The following CSMD1 variants were observed in gnomAD, a reference collection of about 807,000 sequenced individuals.
CSMD1 encodes CUB and Sushi multiple domains 1.
In CSMD1, 213 loss-of-function variants were observed where a neutral mutation model predicts 417.5. The observed-to-expected ratio is 0.51, with a 90% CI of 0.46 to 0.57. The LOEUF (loss-of-function observed/expected upper bound fraction) is 0.57. CSMD1 is among the 20% of genes least tolerant of loss of function. CSMD1 has a pLI of 0.00. For missense variants in CSMD1, 6,923 were observed against 4,529.7 expected (o/e 1.53, Z -15.17); for synonymous variants, 2,862 against 1,736.8 (o/e 1.65, Z -16.11).
rs139034512 is a variant in CSMD1, at chr8:4,125,873, G to A, written c.416-93774C>T. Among the ~76,000 whole-genome samples, 380 of 152,210 alleles carry A rather than the reference G, an allele frequency of 2.5e-3. 4 individuals are homozygous for A. Among genetic ancestry groups the A allele is most frequent in the African/African-American group, 8.7e-3 (360 of 41,530 alleles). On this transcript the variant is annotated intron_variant, in intron 3 of 69. Coordinates refer to ENST00000635120, the MANE Select transcript of CSMD1 (RefSeq NM_033225.6). ...TGCAGGACTAACAAATTAGCTACAAGTTTAGGACTTACGGTTTAGGAGACA... is the reference window on the plus strand; with the variant it reads ...TGCAGGACTAACAAATTAGCTACAAATTTAGGACTTACGGTTTAGGAGACA...
chr8:4,804,494 G>C (rs1798481944), intron 1 of CSMD1, among the ~76,000 whole-genome samples: 1 of 150,494 alleles, frequency 6.6e-6, no homozygotes, highest in Admixed American at 6.6e-5. Flanking sequence ...ATTCCTGACT[G>C]ACTTTATATT....
chr8:4,229,103 T>A (rs1801545390), intron 3 of CSMD1, among the ~76,000 whole-genome samples: 1 of 152,216 alleles, frequency 6.6e-6, no homozygotes, highest in African/African-American at 2.4e-5. Context: ...CCAAGTGTGC[T>A]TTTCCACACA....
At chr8:2,988,350 A>AC (rs112277469) in intron 54 of CSMD1, among the ~76,000 whole-genome samples, 5,713 of 152,254 alleles carry the variant, frequency 0.038, 257 homozygotes, top group African/African-American at 0.11. Flanking sequence ...TAAAATTATG[A>AC]AAGAAAAGAA....
At chr8:3,968,969 G>C (rs2627461) in intron 5 of CSMD1, among the ~76,000 whole-genome samples, 2,308 of 152,278 alleles carry the variant, frequency 0.015, 148 homozygotes, top group Admixed American at 0.11. Flanking sequence ...ACCTAATGCA[G>C]GGCAGGGACA....
chr8:3,796,431 T>TAG (rs1800148266), intron 5 of CSMD1, among the ~76,000 whole-genome samples: 1 of 116,440 alleles, frequency 8.6e-6, no homozygotes, highest in African/African-American at 2.9e-5. Context: ...TGTATAGATA[T>TAG]ATATATCTAT....
intron 7 of CSMD1, among the ~76,000 whole-genome samples, chr8:3,678,639 C>G (rs1162355278): frequency 6.6e-6 from 1 of 152,080 alleles, no homozygotes; most frequent in Non-Finnish European, 1.5e-5. Context: ...GAAAACTTCC[C>G]CAACCTAGCA....
At chr8:3,474,937 C>T (rs1479708280) in intron 11 of CSMD1, among the ~76,000 whole-genome samples, 1 of 152,048 alleles carries the variant, frequency 6.6e-6, no homozygotes, top group Non-Finnish European at 1.5e-5. Flanking sequence ...GAGAAATAAG[C>T]CATCATATTG....
chr8:3,725,384 T>C lies in CSMD1; in HGVS notation c.932-16893A>G, dbSNP rs1229450927. ...TGACAAAGAACCTGGATGACCAGGA[T>C]AGACATCACTTGAACATTTTTATTT... is the stretch of plus-strand genomic sequence containing the variant. On this transcript the variant is annotated intron_variant, in intron 6 of 69. Coordinates refer to ENST00000635120, the MANE Select transcript of CSMD1 (RefSeq NM_033225.6). Among the ~76,000 whole-genome samples the C allele has an allele frequency of 2.0e-5, 3 of 152,280 alleles. No individual in the cohort carries two copies. In the East Asian group the frequency reaches 5.8e-4, roughly 29 times the overall value.
At chr8:4,540,956 T>C (rs1462333200) in intron 2 of CSMD1, among the ~76,000 whole-genome samples, 1 of 152,170 alleles carries the variant, frequency 6.6e-6, no homozygotes, top group Non-Finnish European at 1.5e-5. Flanking sequence ...TTGCATACAA[T>C]AGGGTTAATA....
chr8:3,540,977 C>T (rs1798413351), intron 10 of CSMD1, among the ~76,000 whole-genome samples: 1 of 152,176 alleles, frequency 6.6e-6, no homozygotes, highest in Non-Finnish European at 1.5e-5. Flanking sequence ...GTGGTGATTC[C>T]TCAAAGATCT....
In CSMD1 at chr8:3,387,558, A is replaced by G; in HGVS notation, c.2718T>C (p.Ser906=). 6.2e-7 allele frequency: 1 copy of G among 1,602,286 alleles called. No individual in the cohort carries two copies. Among genetic ancestry groups the G allele is most frequent in the South Asian group, 1.1e-5 (1 of 88,636 alleles). Residue 906 remains serine (S), a synonymous_variant, in exon 18 of 70, where the codon AGT becomes AGC. Coordinates refer to ENST00000635120, the MANE Select transcript of CSMD1 (RefSeq NM_033225.6). Reference sequence around the variant, plus strand: ...TCTCACAGACGAGGGGCTCGTCGTCACTTAGTGTGTACCCCGGGTCACAGC... The same window carrying G: ...TCTCACAGACGAGGGGCTCGTCGTCGCTTAGTGTGTACCCCGGGTCACAGC... ...TFSCDPGYTL[S]DDEPLVCERN... is the part of the protein sequence containing the mutation.
chr8:3,614,514 T>C (rs1039022518), intron 8 of CSMD1, among the ~76,000 whole-genome samples: 1 of 152,198 alleles, frequency 6.6e-6, no homozygotes, highest in South Asian at 2.1e-4. Flanking sequence ...TAAGAAGACA[T>C]TGGCCTGAAT....
intron 1 of CSMD1, among the ~76,000 whole-genome samples, chr8:4,981,068 T>C (rs1308706094): frequency 1.3e-5 from 2 of 152,236 alleles, no homozygotes; most frequent in African/African-American, 2.4e-5. Flanking sequence ...GTGAACACCA[T>C]GATGCGTGCA....
intron 1 of CSMD1, among the ~76,000 whole-genome samples, chr8:4,693,828 C>T (rs1017140473): frequency 4.8e-5 from 1 of 20,946 alleles, no homozygotes; most frequent in Admixed American, 6.3e-4. Context: ...AGGTGTGCAC[C>T]TCCATGCCTG....
chr8:4,322,327 T>A (rs1246442469), intron 3 of CSMD1, among the ~76,000 whole-genome samples: 1 of 152,130 alleles, frequency 6.6e-6, no homozygotes, highest in East Asian at 1.9e-4. Flanking sequence ...GAGTACTTTT[T>A]TTTGCAACAA....
chr8:3,010,544 C>T (rs1808306667), intron 52 of CSMD1, among the ~76,000 whole-genome samples: 1 of 152,090 alleles, frequency 6.6e-6, no homozygotes, highest in Non-Finnish European at 1.5e-5. Flanking sequence ...CCGCACTCCG[C>T]ATCTATGCTG....
intron 26 of CSMD1, among the ~76,000 whole-genome samples, chr8:3,273,008 C>T (rs898368324): frequency 5.8e-4 from 88 of 151,288 alleles, no homozygotes; most frequent in African/African-American, 2.0e-3. Context: ...CTGTCTTGTG[C>T]CAGTCTTCAA....
chr8:3,062,160 T>C (rs1338556860), intron 49 of CSMD1, among the ~76,000 whole-genome samples: 2 of 152,220 alleles, frequency 1.3e-5, no homozygotes, highest in Non-Finnish European at 2.9e-5. Flanking sequence ...TTTCTTTTTT[T>C]TCTATTTTCC....
At chr8:3,456,539 C>T (rs562610609) in intron 12 of CSMD1, among the ~76,000 whole-genome samples, 29 of 152,248 alleles carry the variant, frequency 1.9e-4, no homozygotes, top group South Asian at 1.9e-3. Context: ...TCTAAGTTGG[C>T]GCAGTTTTTC....
Sources: allele counts gnomAD v4.1 joint callset (sites outside exome capture counted in the v4.1 genomes callset), GRCh38; gene constraint gnomAD v4.1.1; transcripts MANE v1.5; gene names NCBI Gene and HGNC (gene_info 2026-07-23, HGNC 2026-07-21).